Variants in ARHGEF33 observed in about 807,000 individuals in gnomAD.
ARHGEF33 encodes the protein DH and coiled-coil domain-containing protein ENSP00000381780.
In ARHGEF33, 72 loss-of-function variants were observed where a neutral mutation model predicts 101.9. The observed-to-expected ratio is 0.71, with a 90% CI of 0.58 to 0.86. ARHGEF33 has a LOEUF of 0.86. Ranked by LOEUF, ARHGEF33 falls within the 40% of genes least tolerant of loss-of-function variation. The probability of loss-of-function intolerance (pLI) is 0.00; values close to 1 mark genes in which losing one functional copy is unlikely to be tolerated. For missense variants in ARHGEF33, 1,169 were observed against 1,111.3 expected (o/e 1.05, Z -0.74); for synonymous variants, 499 against 442.5 (o/e 1.13, Z -1.60).
intron 17 of ARHGEF33, among the ~76,000 whole-genome samples, chr2:38,971,300 G>T (rs1319435969): frequency 1.3e-5 from 2 of 152,202 alleles, no homozygotes; most frequent in African/African-American, 4.8e-5. Context: ...CAGGTCTGTT[G>T]TCTTTTCCTC....
At chr2:38,902,086 G>T (rs1332604281) in intron 2 of ARHGEF33, among the ~76,000 whole-genome samples, 1 of 149,860 alleles carries the variant, frequency 6.7e-6, no homozygotes, top group African/African-American at 2.5e-5. Flanking sequence ...CTGCACTCCA[G>T]CTTGGGTGAC....
intron 2 of ARHGEF33, among the ~76,000 whole-genome samples, chr2:38,903,610 T>C (rs929576523): frequency 8.6e-5 from 13 of 152,042 alleles, no homozygotes; most frequent in Non-Finnish European, 1.8e-4. Flanking sequence ...CATTCCAAAG[T>C]GGGTGAAGGA....
chr2:38,916,558 C>G (rs1162364804), intron 2 of ARHGEF33, among the ~76,000 whole-genome samples: 1 of 152,008 alleles, frequency 6.6e-6, no homozygotes, highest in African/African-American at 2.4e-5. Context: ...GGAAAGATGC[C>G]CTAGCTTGAC....
chr2:38,928,752 G>A, intron 4 of ARHGEF33, 155 bp from the exon 5 acceptor site: 1 of 578,716 alleles, frequency 1.7e-6, no homozygotes. Context: ...TGGGGCCAGG[G>A]TTGTCTTAAG....
At chr2:38,910,766 A>T (rs1001756244) in intron 2 of ARHGEF33, among the ~76,000 whole-genome samples, 1 of 152,186 alleles carries the variant, frequency 6.6e-6, no homozygotes, top group Non-Finnish European at 1.5e-5. Context: ...GTATCAGTCC[A>T]TTCAACCAGT....
chr2:38,895,316 T>A (rs1901290), intron 1 of ARHGEF33, among the ~76,000 whole-genome samples: 167 of 152,248 alleles, frequency 1.1e-3, no homozygotes, highest in African/African-American at 3.8e-3. Flanking sequence ...CAATTGGCGC[T>A]TAAAGAAAAA....
intron 15 of ARHGEF33, 102 bp from the exon 16 acceptor site, chr2:38,959,739 A>C (rs1667864370): frequency 2.3e-6 from 3 of 1,297,800 alleles, no homozygotes; most frequent in African/African-American, 3.0e-5. Flanking sequence ...GGTGGCATGC[A>C]CAGGCGCCTC....
intron 6 of ARHGEF33, 37 bp downstream of exon 6, chr2:38,929,867 A>G (rs1410811055): frequency 6.5e-7 from 1 of 1,544,236 alleles, no homozygotes; most frequent in Non-Finnish European, 8.8e-7. Context: ...AGGCAAACCC[A>G]TAAGCAATGG....
intron 2 of ARHGEF33, among the ~76,000 whole-genome samples, chr2:38,904,495 C>G (rs1318014494): frequency 2.0e-5 from 3 of 152,044 alleles, no homozygotes; most frequent in African/African-American, 7.2e-5. Flanking sequence ...CACCTGAGGT[C>G]AGGAGTTCGA....
intron 2 of ARHGEF33, among the ~76,000 whole-genome samples, chr2:38,914,725 C>T (rs564514168): frequency 1.6e-3 from 235 of 151,248 alleles, no homozygotes; most frequent in African/African-American, 5.5e-3. Context: ...GGAGAGATTG[C>T]CACAATGTAT....
intron 9 of ARHGEF33, among the ~76,000 whole-genome samples, chr2:38,942,243 C>G (rs1667329982): frequency 6.9e-6 from 1 of 145,320 alleles, no homozygotes; most frequent in Non-Finnish European, 1.5e-5. Context: ...TCTTGACTCA[C>G]TGCCACCTCT....
At chr2:38,959,805 A>G (rs1335652130) in intron 15 of ARHGEF33, 36 bp from the exon 16 acceptor site, 22 of 1,499,018 alleles carry the variant, frequency 1.5e-5, no homozygotes, top group Non-Finnish European at 1.9e-5. Flanking sequence ...ACCGGCCGTA[A>G]GCACAGCTCT....
At chr2:38,931,509 A>C (rs560850756) in intron 7 of ARHGEF33, among the ~76,000 whole-genome samples, 2 of 152,280 alleles carry the variant, frequency 1.3e-5, no homozygotes, top group South Asian at 4.1e-4. Flanking sequence ...AATTAAAAAT[A>C]ATTTATTGTA....
intron 16 of ARHGEF33, among the ~76,000 whole-genome samples, chr2:38,963,023 CAAA>C (rs34417172): frequency 2.2e-4 from 22 of 102,022 alleles, no homozygotes; most frequent in Admixed American, 4.0e-4. Flanking sequence ...GACTCTGTCT[CAAA>C]AAAAAAAAAA....
At chr2:38,943,285 T>TTC (rs1007068925) in intron 9 of ARHGEF33, among the ~76,000 whole-genome samples, 4 of 152,136 alleles carry the variant, frequency 2.6e-5, no homozygotes, top group Admixed American at 2.6e-4. Context: ...GCAGTTCAGT[T>TTC]TCTCAAGTGG....
At chr2:38,973,544 GCAAATCTTA>G (rs1280133158) in intron 17 of ARHGEF33, among the ~76,000 whole-genome samples, 161 bp from the exon 18 acceptor site, 1 of 152,110 alleles carries the variant, frequency 6.6e-6, no homozygotes, top group Non-Finnish European at 1.5e-5. Context: ...TATGTTCAAT[GCAAATCTTA>G]GATACACATG....
At chr2:38,940,807 C>G (rs1667287392) in intron 9 of ARHGEF33, among the ~76,000 whole-genome samples, 1 of 152,162 alleles carries the variant, frequency 6.6e-6, no homozygotes, top group Non-Finnish European at 1.5e-5. Context: ...AATCAATCTC[C>G]CTGAAAATTC....
At chr2:38,950,754 T>C (rs1667579374) in intron 10 of ARHGEF33, among the ~76,000 whole-genome samples, 1 of 152,234 alleles carries the variant, frequency 6.6e-6, no homozygotes, top group South Asian at 2.1e-4. Flanking sequence ...ATTAGTTCAA[T>C]ACACATTTGT....
At chr2:38,898,840 G>A (rs1237649006) in intron 2 of ARHGEF33, among the ~76,000 whole-genome samples, 1 of 152,122 alleles carries the variant, frequency 6.6e-6, no homozygotes, top group African/African-American at 2.4e-5. Flanking sequence ...TATTGCATAT[G>A]CTATTTTATG....
Sources: allele counts gnomAD v4.1 joint callset (sites outside exome capture counted in the v4.1 genomes callset), GRCh38; gene constraint gnomAD v4.1.1; transcripts MANE v1.5; gene names NCBI Gene and HGNC (gene_info 2026-07-23, HGNC 2026-07-21).